PPM1D: variants seen among roughly 807,000 people sequenced by gnomAD.
PPM1D encodes protein phosphatase, Mg2+/Mn2+ dependent 1D.
Under a neutral mutation model 58.3 loss-of-function variants are expected in PPM1D, and 52 were observed. That is an observed-to-expected ratio of 0.89 (90% CI 0.71 to 1.12). The LOEUF (loss-of-function observed/expected upper bound fraction) is 1.12, where lower values mean the gene tolerates loss of function less well. Among genes scored for constraint, PPM1D ranks in the 50% most tolerant of loss-of-function variants. PPM1D has a pLI of 0.00. For synonymous variants in PPM1D, 278 were observed against 285.1 expected (o/e 0.98, Z 0.25); for missense variants, 564 against 777.2 (o/e 0.73, Z 3.26).
At chr17:60,608,544 T>A (rs577589361) in intron 1 of PPM1D, among the ~76,000 whole-genome samples, 1 of 151,972 alleles carries the variant, frequency 6.6e-6, no homozygotes, top group African/African-American at 2.4e-5. Context: ...TGAGCTGAGA[T>A]CAACGACACT....
intron 1 of PPM1D, among the ~76,000 whole-genome samples, chr17:60,606,976 C>T (rs184264630): frequency 4.6e-5 from 7 of 151,260 alleles, no homozygotes; most frequent in Admixed American, 2.0e-4. Flanking sequence ...TACAGGCATG[C>T]GCCCAGCTAA....
intron 4 of PPM1D, among the ~76,000 whole-genome samples, chr17:60,654,690 C>G (rs1356915700): frequency 6.6e-6 from 1 of 151,074 alleles, no homozygotes; most frequent in Non-Finnish European, 1.5e-5. Context: ...GGTGAAACCC[C>G]GTCTCTACTA....
intron 2 of PPM1D, among the ~76,000 whole-genome samples, chr17:60,627,106 G>A (rs546373591): frequency 6.6e-6 from 1 of 152,246 alleles, no homozygotes; most frequent in East Asian, 1.9e-4. Context: ...CTTTTTCCAC[G>A]TGGAAGTTTC....
rs971314883 is a variant in PPM1D, at chr17:60,600,278, C to G, written c.-137C>G. The G allele has an allele frequency of 1.0e-4, 150 of 1,429,340 alleles. No individual in the cohort carries two copies. The highest frequency in any genetic ancestry group is 3.8e-4 in the South Asian group (27 of 70,260). The allele number at this position is 1,429,340 out of a possible 1,614,324, so 88.5% of individuals were successfully genotyped here. A position where few individuals can be genotyped will look rare whatever the true frequency, so the allele number is the denominator to read the frequency against. On this transcript the variant is annotated 5_prime_UTR_variant, in exon 1 of 6. Transcript: ENST00000305921. ...ACAAGTCCAGACATCGCGCGCCCCC[C>G]CTTCTCCGGGTCCGCCCCCTCCCCC...
chr17:60,610,176 CA>C (rs57245998), intron 1 of PPM1D, among the ~76,000 whole-genome samples: 10,308 of 69,794 alleles, frequency 0.15, 759 homozygotes, highest in African/African-American at 0.33. Flanking sequence ...GAGACTGTCT[CA>C]AAAAAAAAAA....
chr17:60,657,079 TC>T, intron 5 of PPM1D: 1 of 1,399,322 alleles, frequency 7.1e-7, no homozygotes, highest in Non-Finnish European at 9.3e-7. Flanking sequence ...TTGTTTGCCA[TC>T]TAATGCTATG....
intron 4 of PPM1D, among the ~76,000 whole-genome samples, chr17:60,652,561 T>TG (rs1342082826): frequency 6.8e-6 from 1 of 146,298 alleles, no homozygotes; most frequent in Non-Finnish European, 1.5e-5. Flanking sequence ...TTTTTTTTTT[T>TG]TTTTTTTTTT....
chr17:60,624,429 CCT>C (rs1197515506), intron 2 of PPM1D, among the ~76,000 whole-genome samples: 5 of 152,236 alleles, frequency 3.3e-5, no homozygotes, highest in African/African-American at 7.2e-5. Context: ...TCGTTACTTG[CCT>C]CTTTTTTGCT....
intron 1 of PPM1D, among the ~76,000 whole-genome samples, chr17:60,616,406 G>T (rs543979889): frequency 2.8e-4 from 43 of 152,136 alleles, no homozygotes; most frequent in African/African-American, 1.0e-3. Flanking sequence ...TCAAGAGTTC[G>T]AGACCAGCCT....
At chr17:60,608,395 C>T (rs1464524942) in intron 1 of PPM1D, among the ~76,000 whole-genome samples, 1 of 152,162 alleles carries the variant, frequency 6.6e-6, no homozygotes, top group East Asian at 1.9e-4. Context: ...GGCATGGTGG[C>T]TCACGCCTGT....
At chr17:60,628,912 A>G (rs2030865778) in intron 2 of PPM1D, among the ~76,000 whole-genome samples, 1 of 152,106 alleles carries the variant, frequency 6.6e-6, no homozygotes, top group Admixed American at 6.6e-5. Flanking sequence ...TTAATCTTTA[A>G]TCCTTCTGGA....
At chr17:60,657,095 T>A in intron 5 of PPM1D, 1 of 1,345,720 alleles carries the variant, frequency 7.4e-7, no homozygotes, top group Non-Finnish European at 9.6e-7. Flanking sequence ...GCTATGAACA[T>A]TATTTTTAAA....
rs531845078 is a variant in PPM1D, at chr17:60,665,794, T to G, written c.*2242T>G. 21 of 152,342 alleles carry G rather than the reference T, an allele frequency of 1.4e-4. No individual in the cohort carries two copies. The East Asian group carries it at 4.0e-3, about 29-fold the overall frequency. 9.4% of individuals were successfully genotyped at this position (152,342 alleles called of 1,614,324 possible). A position where few individuals can be genotyped will look rare whatever the true frequency, so the allele number is the denominator to read the frequency against. On this transcript the variant is annotated 3_prime_UTR_variant, in exon 6 of 6. Coordinates refer to ENST00000305921, the MANE Select transcript of PPM1D (RefSeq NM_003620.4). ...GTGTCATTGGGGCTAGAAGATCTGCTTCCCGCAAGACTCACAGCTGTTGGC... is the reference window on the plus strand; with the variant it reads ...GTGTCATTGGGGCTAGAAGATCTGCGTCCCGCAAGACTCACAGCTGTTGGC...
intron 1 of PPM1D, among the ~76,000 whole-genome samples, chr17:60,604,381 A>G (rs981820850): frequency 3.3e-5 from 5 of 152,238 alleles, no homozygotes; most frequent in African/African-American, 1.2e-4. Flanking sequence ...GAAGATGTAC[A>G]CCAAATGCCC....
At chr17:60,654,761 G>C (rs2031403811) in intron 4 of PPM1D, among the ~76,000 whole-genome samples, 1 of 151,536 alleles carries the variant, frequency 6.6e-6, no homozygotes, top group African/African-American at 2.4e-5. Flanking sequence ...CCAGCTACTT[G>C]GGAGGCTGAG....
intron 3 of PPM1D, among the ~76,000 whole-genome samples, chr17:60,645,582 A>ATATGTATATATG (rs1555647684): frequency 4.6e-5 from 6 of 129,752 alleles, no homozygotes; most frequent in African/African-American, 1.4e-4. Context: ...GTATATATAT[A>ATATGTATATATG]TGTGTGTATA....
intron 1 of PPM1D, among the ~76,000 whole-genome samples, chr17:60,611,464 C>T (rs1364495184): frequency 6.6e-6 from 1 of 151,726 alleles, no homozygotes; most frequent in African/African-American, 2.4e-5. Context: ...GGGTCTTGCT[C>T]TGTCACCCAG....
At chr17:60,657,944 T>A (rs1598413892) in intron 5 of PPM1D, among the ~76,000 whole-genome samples, 1 of 152,172 alleles carries the variant, frequency 6.6e-6, no homozygotes, top group East Asian at 1.9e-4. Flanking sequence ...TTTCACCATG[T>A]TGTCCAAGCT....
chr17:60,602,494 C>G (rs898307041), intron 1 of PPM1D, among the ~76,000 whole-genome samples: 5 of 151,202 alleles, frequency 3.3e-5, no homozygotes, highest in Admixed American at 1.3e-4. Flanking sequence ...GTTGCCCAGG[C>G]TGGGCAACAA....
Sources: gnomAD v4.1 joint callset for allele counts (sites outside exome capture counted in the v4.1 genomes callset) on GRCh38, gnomAD v4.1.1 for gene constraint, MANE v1.5 for transcripts, NCBI Gene and HGNC (gene_info 2026-07-23, HGNC 2026-07-21) for gene names.